Variants in DAB1 observed in about 807,000 individuals in gnomAD.
DAB1 encodes DAB adaptor protein 1, also known as disabled homolog 1.
DAB1 carries 15 observed loss-of-function variants against 64.6 expected under a neutral mutation model. The observed-to-expected ratio is 0.23, with a 90% CI of 0.16 to 0.36. The LOEUF is 0.36. Among genes scored for constraint, DAB1 ranks in the 10% least tolerant of loss-of-function variants. DAB1 has a pLI of 1.00. For missense variants in DAB1, 596 were observed against 706.7 expected (o/e 0.84, Z 1.78); for synonymous variants, 235 against 251.9 (o/e 0.93, Z 0.64).
At chr1:57,259,269 T>A (rs555355889) in intron 2 of DAB1, among the ~76,000 whole-genome samples, 68 of 152,232 alleles carry the variant, frequency 4.5e-4, no homozygotes, top group Non-Finnish European at 7.5e-4. Flanking sequence ...ACAGCCCTTG[T>A]CCTCAGAAGA....
intron 6 of DAB1, among the ~76,000 whole-genome samples, chr1:57,753,879 T>A (rs540341684): frequency 3.3e-5 from 5 of 152,346 alleles, no homozygotes; most frequent in Admixed American, 3.3e-4. Flanking sequence ...TTACTTCCAA[T>A]TCTAGAGGTA....
At chr1:57,556,118 T>G (rs2101491301) in intron 7 of DAB1, among the ~76,000 whole-genome samples, 1 of 152,342 alleles carries the variant, frequency 6.6e-6, no homozygotes, top group Non-Finnish European at 1.5e-5. Context: ...TCATTCCTTT[T>G]TATGACTGAG....
At chr1:57,291,463 C>T (rs1438938251) in intron 1 of DAB1, among the ~76,000 whole-genome samples, 1 of 152,066 alleles carries the variant, frequency 6.6e-6, no homozygotes, top group Non-Finnish European at 1.5e-5. Context: ...GCACTAGATC[C>T]CAACCAGAAT....
chr1:58,111,533 A>G (rs1651964431), intron 5 of DAB1, among the ~76,000 whole-genome samples: 2 of 152,206 alleles, frequency 1.3e-5, no homozygotes, highest in Admixed American at 6.5e-5. Context: ...ATTTTTTCCA[A>G]GAGCAACTTT....
chr1:57,488,216 A>T (rs1644116519), intron 7 of DAB1, among the ~76,000 whole-genome samples: 1 of 152,092 alleles, frequency 6.6e-6, no homozygotes, highest in Non-Finnish European at 1.5e-5. Context: ...ACCCTGGCTA[A>T]CACGGTGAAA....
chr1:57,166,533 T>A (rs1661225406), intron 2 of DAB1, among the ~76,000 whole-genome samples: 1 of 152,096 alleles, frequency 6.6e-6, no homozygotes. Flanking sequence ...CAGGAATAAC[T>A]AGCATATATA....
In DAB1 at chr1:57,269,563, G is replaced by A. The variant is rs571971261; in HGVS notation, c.67+21401C>T. On this transcript the variant is annotated intron_variant, in intron 2 of 14. Transcript: ENST00000371236. ...GCCCTACGTAGGTATGTCCAGGGGC[G>A]TCTCTGCTTACCTGAACCCATGCAC... 1.2e-4 allele frequency among the ~76,000 whole-genome samples: 19 copies of A among 152,202 alleles called. No individual in the cohort carries two copies. In the East Asian group the frequency reaches 1.7e-3, roughly 14 times the overall value.
intron 4 of DAB1, among the ~76,000 whole-genome samples, chr1:57,130,032 G>T (rs1010935359): frequency 6.6e-6 from 1 of 151,716 alleles, no homozygotes; most frequent in African/African-American, 2.4e-5. Context: ...ATGATCCAGG[G>T]TACCTTGTGT....
intron 4 of DAB1, among the ~76,000 whole-genome samples, chr1:58,285,525 C>T (rs941936151): frequency 1.3e-5 from 2 of 152,060 alleles, no homozygotes; most frequent in African/African-American, 4.8e-5. Flanking sequence ...ATATCAACAA[C>T]AGGCAAGCAG....
chr1:57,528,571 C>T (rs1485670581), intron 7 of DAB1, among the ~76,000 whole-genome samples: 1 of 151,480 alleles, frequency 6.6e-6, no homozygotes, highest in African/African-American at 2.4e-5. Context: ...ACAAAGAAAC[C>T]ACTCCTAGGC....
At position 58,090,334 on chromosome 1, in the gene DAB1, A is replaced by G. The variant is rs141610238; in HGVS notation, n.387+60177T>C. On this transcript the variant is annotated intron_variant and non_coding_transcript_variant, in intron 5 of 20. Coordinates refer to the DAB1 transcript ENST00000485760. ...GGCAGTGGCACGCCCTTGCTGTGCT[A>G]GTCATTGGAGGGAAAAGGGAGGAGT... Among the ~76,000 whole-genome samples, 1,135 of 152,302 alleles carry G rather than the reference A, an allele frequency of 7.5e-3. 21 individuals are homozygous for G. Among genetic ancestry groups the G allele is most frequent in the African/African-American group, 0.024 (1,001 of 41,552 alleles).
At chr1:57,433,779 AT>A (rs1470327924) in intron 7 of DAB1, among the ~76,000 whole-genome samples, 2 of 151,994 alleles carry the variant, frequency 1.3e-5, no homozygotes, top group East Asian at 1.9e-4. Flanking sequence ...ATCCAAAAAA[AT>A]AAAGAAATTC....
intron 3 of DAB1, among the ~76,000 whole-genome samples, chr1:58,493,195 G>A (rs1645730972): frequency 1.3e-5 from 2 of 151,770 alleles, no homozygotes; most frequent in South Asian, 4.2e-4. Context: ...ATGCAGAAAA[G>A]GCCTTTGACA....
At chr1:58,127,060 T>C (rs1188270931) in intron 5 of DAB1, among the ~76,000 whole-genome samples, 2 of 150,788 alleles carry the variant, frequency 1.3e-5, no homozygotes, top group African/African-American at 4.9e-5. Context: ...GTTGAACTAG[T>C]TTACAGTCCC....
At chr1:57,134,475 C>A (rs912807856) in intron 4 of DAB1, among the ~76,000 whole-genome samples, 9 of 151,722 alleles carry the variant, frequency 5.9e-5, no homozygotes, top group African/African-American at 2.2e-4. Context: ...GTAATCCCAG[C>A]TTCTTGGGAG....
chr1:57,985,896 A>T (rs915296181), intron 5 of DAB1, among the ~76,000 whole-genome samples: 5 of 152,102 alleles, frequency 3.3e-5, no homozygotes, highest in African/African-American at 1.2e-4. Context: ...TGCACCAGAG[A>T]CTCTGCAAGG....
intron 1 of DAB1, among the ~76,000 whole-genome samples, chr1:57,292,870 G>A (rs1274755823): frequency 6.6e-6 from 1 of 152,072 alleles, no homozygotes; most frequent in Admixed American, 6.6e-5. Flanking sequence ...TAAATACCAC[G>A]CACACTGGGG....
At chr1:57,815,682 A>G (rs1417344381) in intron 6 of DAB1, among the ~76,000 whole-genome samples, 1 of 152,052 alleles carries the variant, frequency 6.6e-6, no homozygotes, top group Non-Finnish European at 1.5e-5. Flanking sequence ...AAAAAAAAAA[A>G]AAGAACAGAA....
At chr1:57,212,257 G>A (rs10489466) in intron 2 of DAB1, among the ~76,000 whole-genome samples, 6,095 of 151,664 alleles carry the variant, frequency 0.04, 408 homozygotes, top group African/African-American at 0.14. Flanking sequence ...CAAATGGTCC[G>A]AGATTAGGTG....
Sources: gnomAD v4.1 joint callset for allele counts (sites outside exome capture counted in the v4.1 genomes callset) on GRCh38, gnomAD v4.1.1 for gene constraint, MANE v1.5 for transcripts, NCBI Gene and HGNC (gene_info 2026-07-23, HGNC 2026-07-21) for gene names.